The following RIOK2 variants were observed in gnomAD, a reference collection of about 807,000 sequenced individuals.
The protein encoded by RIOK2 is serine/threonine-protein kinase RIO2.
RIOK2 carries 46 observed loss-of-function variants against 62.4 expected under a neutral mutation model. The observed-to-expected ratio is 0.74, with a 90% CI of 0.58 to 0.94. The LOEUF (loss-of-function observed/expected upper bound fraction) is 0.94. Ranked by LOEUF, RIOK2 falls within the 40% of genes least tolerant of loss-of-function variation. The pLI, the probability that RIOK2 is intolerant of heterozygous loss-of-function variation, is 0.00. For synonymous variants in RIOK2, 197 were observed against 216.0 expected (o/e 0.91, Z 0.77); for missense variants, 574 against 658.0 (o/e 0.87, Z 1.40).
chr5:97,161,596 G>A lies in RIOK2; in HGVS notation c.*1465C>T. The A allele has an allele frequency of 6.6e-6, 1 of 152,110 alleles. No individual in the cohort carries two copies. Among genetic ancestry groups the A allele is most frequent in the Admixed American group, 6.6e-5 (1 of 15,262 alleles). The allele number at this position is 152,110 out of a possible 1,614,324, so 9.4% of individuals were successfully genotyped here. On this transcript the variant is annotated 3_prime_UTR_variant, in exon 10 of 10. Transcript: ENST00000283109. ...GAATAATTAATTCCTTGGCCCACAA[G>A]AAATCTTAGGCTATTAAAGGTAAAA... is the stretch of plus-strand genomic sequence containing the variant.
intron 6 of RIOK2, among the ~76,000 whole-genome samples, chr5:97,169,189 T>G (rs143005535): frequency 4.7e-4 from 71 of 152,296 alleles, no homozygotes; most frequent in African/African-American, 1.6e-3. Context: ...GGTTTGGGGA[T>G]AGGTTTCCAC....
intron 4 of RIOK2, among the ~76,000 whole-genome samples, chr5:97,176,334 A>C (rs1289858994): frequency 2.6e-5 from 4 of 152,094 alleles, no homozygotes; most frequent in Non-Finnish European, 4.4e-5. Flanking sequence ...CTTAAAAACT[A>C]AAGATTTTTA....
chr5:97,163,760 T>A (rs1275740708), intron 9 of RIOK2, among the ~76,000 whole-genome samples: 4 of 152,046 alleles, frequency 2.6e-5, no homozygotes, highest in Non-Finnish European at 4.4e-5. Context: ...TGTGAAATAC[T>A]CAGTTCACAA....
intron 9 of RIOK2, among the ~76,000 whole-genome samples, chr5:97,163,450 G>A (rs1748757673): frequency 6.6e-6 from 1 of 152,112 alleles, no homozygotes; most frequent in African/African-American, 2.4e-5. Context: ...AATTACCATA[G>A]TGCCACCTAG....
At chr5:97,172,398 T>C (rs1349923955) in intron 5 of RIOK2, among the ~76,000 whole-genome samples, 2 of 152,228 alleles carry the variant, frequency 1.3e-5, no homozygotes, top group African/African-American at 4.8e-5. Flanking sequence ...GGTGTCACCA[T>C]TGACTCATCC....
chr5:97,178,928 G>A lies in RIOK2; in HGVS notation c.205+127C>T, dbSNP rs190172395. ...TTGACTAATAGGATATGGCCGAAGT[G>A]TGTTCTGTCAGTTCTTCGTCTAATG... On this transcript the variant is annotated intron_variant, in intron 2 of 9. Transcript: ENST00000283109. 1.9e-5 allele frequency: 20 copies of A among 1,043,044 alleles called. No homozygotes were observed. In the African/African-American group the frequency reaches 2.9e-4, roughly 15 times the overall value. 64.6% of individuals were successfully genotyped at this position (1,043,044 alleles called of 1,614,324 possible).
At chr5:97,179,976 T>TAA (rs373179187) in intron 1 of RIOK2, among the ~76,000 whole-genome samples, 3 of 54,646 alleles carry the variant, frequency 5.5e-5, no homozygotes, top group African/African-American at 1.4e-4. Context: ...TATATATATA[T>TAA]AATATATATA....
chr5:97,169,323 T>C (rs891894762), intron 6 of RIOK2, among the ~76,000 whole-genome samples: 1 of 152,238 alleles, frequency 6.6e-6, no homozygotes, highest in Non-Finnish European at 1.5e-5. Flanking sequence ...TGGAGACTAC[T>C]GAATTATGTT....
chr5:97,169,104 A>G (rs772819131), intron 6 of RIOK2, among the ~76,000 whole-genome samples: 2 of 152,216 alleles, frequency 1.3e-5, no homozygotes, highest in Non-Finnish European at 2.9e-5. Context: ...AGGTTTTGTC[A>G]TAGTTACTGG....
chr5:97,168,773 A>G lies in RIOK2; in HGVS notation c.859T>C (p.Phe287Leu). ...FSYESELFPT[F>L]KDIRREDTLD... ...GGGAGTACAAACCTGATATCCTTAA[A>G]AGTTGGAAAAAGCTCACTTTCGTAG... Residue 287 changes from phenylalanine (F) to leucine (L), a missense_variant, in exon 7 of 10, where the codon TTT (phenylalanine) becomes CTT (leucine). Coordinates refer to ENST00000283109, the MANE Select transcript of RIOK2 (RefSeq NM_018343.3). The G allele has an allele frequency of 6.3e-7, 1 of 1,594,434 alleles. No individual in the cohort carries two copies. The highest frequency in any genetic ancestry group is 8.5e-7 in the Non-Finnish European group (1 of 1,170,370).
chr5:97,179,245 A>G, intron 1 of RIOK2, 52 bp from the exon 2 acceptor site: 2 of 1,557,002 alleles, frequency 1.3e-6, no homozygotes, highest in South Asian at 2.3e-5. Flanking sequence ...AGCCTTGTCT[A>G]TCAAAACCCT....
intron 9 of RIOK2, 23 bp from the exon 10 acceptor site, chr5:97,163,248 T>C (rs758578912): frequency 2.0e-5 from 32 of 1,597,672 alleles, no homozygotes; most frequent in Admixed American, 1.2e-4. Flanking sequence ...CATAAATTAG[T>C]ATTACTGATA....
At chr5:97,180,007 TATATATATA>T (rs1429941139) in intron 1 of RIOK2, among the ~76,000 whole-genome samples, 4 of 57,896 alleles carry the variant, frequency 6.9e-5, no homozygotes, top group African/African-American at 2.6e-4. Context: ...ATATATATTA[TATATATATA>T]ATATATATAT....
At chr5:97,172,865 T>C (rs746308469) in intron 5 of RIOK2, among the ~76,000 whole-genome samples, 7 of 152,228 alleles carry the variant, frequency 4.6e-5, no homozygotes, top group African/African-American at 7.2e-5. Flanking sequence ...TAGTTATTTA[T>C]TGCACATCTC....
intron 6 of RIOK2, among the ~76,000 whole-genome samples, chr5:97,170,383 TA>T: frequency 6.6e-6 from 1 of 152,284 alleles, no homozygotes; most frequent in African/African-American, 2.4e-5. Context: ...TTCTAATAAA[TA>T]AAGCTAAAAG....
chr5:97,167,580 C>T lies in RIOK2; in HGVS notation c.1284G>A (p.Arg428=). Residue 428 remains arginine (R), a synonymous_variant, in exon 8 of 10, where the codon AGG becomes AGA. Coordinates refer to ENST00000283109, the MANE Select transcript of RIOK2 (RefSeq NM_018343.3). ...EEKNRTENYN[R]QDGQRVQGGV... ...CTCCTTGAACTCTCTGACCATCTTG[C>T]CTGTTGTAATTTTCAGTTCTGTTTT... is the stretch of plus-strand genomic sequence containing the variant. 2 of 1,614,190 alleles carry T rather than the reference C, an allele frequency of 1.2e-6. No homozygotes were observed. Among genetic ancestry groups the T allele is most frequent in the East Asian group, 4.5e-5 (2 of 44,880 alleles).
rs551909341 is a variant in RIOK2, at chr5:97,161,083, A to G, written c.*1978T>C. Reference sequence around the variant, plus strand: ...ACTAACCATACAGTATATGTCAGGCACTGTAATAAACTCTTTACAAGTGGT... The same window carrying G: ...ACTAACCATACAGTATATGTCAGGCGCTGTAATAAACTCTTTACAAGTGGT... On this transcript the variant is annotated 3_prime_UTR_variant, in exon 10 of 10. Coordinates refer to ENST00000283109, the MANE Select transcript of RIOK2 (RefSeq NM_018343.3). 1 of 152,300 alleles carries G rather than the reference A, an allele frequency of 6.6e-6. No individual in the cohort carries two copies. Among genetic ancestry groups the G allele is most frequent in the South Asian group, 2.1e-4 (1 of 4,824 alleles). 9.4% of individuals were successfully genotyped at this position (152,300 alleles called of 1,614,324 possible).
Position 97,167,555 on chromosome 5 carries a change from C to T in RIOK2, c.1309G>A (p.Gly437Arg). 1 of 1,614,166 alleles carries T rather than the reference C, an allele frequency of 6.2e-7. No individual in the cohort carries two copies. ...NRQDGQRVQG[G>R]VPAGSDEYED... ...TACTCGTCAGAGCCAGCAGGGACTCCTCCTTGAACTCTCTGACCATCTTGC... is the reference window on the plus strand; with the variant it reads ...TACTCGTCAGAGCCAGCAGGGACTCTTCCTTGAACTCTCTGACCATCTTGC... The change falls in exon 8 of 10, where the codon GGA becomes AGA. Residue 437 changes from glycine to arginine, a missense_variant. Gly to Arg is a moderately radical substitution (Grantham distance 125). Coordinates refer to ENST00000283109, the MANE Select transcript of RIOK2 (RefSeq NM_018343.3).
intron 4 of RIOK2, 62 bp downstream of exon 4, chr5:97,177,054 G>T: frequency 7.3e-7 from 1 of 1,363,752 alleles, no homozygotes. Context: ...TTGTCATTAA[G>T]GCCTTTGAGA....
Sources: gnomAD v4.1 joint callset for allele counts (sites outside exome capture counted in the v4.1 genomes callset) on GRCh38, gnomAD v4.1.1 for gene constraint, MANE v1.5 for transcripts, NCBI Gene and HGNC (gene_info 2026-07-23, HGNC 2026-07-21) for gene names.